AKT3: variants seen among roughly 807,000 people sequenced by gnomAD.
AKT3 encodes the protein RAC-gamma serine/threonine-protein kinase.
In AKT3, 15 loss-of-function variants were observed where a neutral mutation model predicts 65.3. The ratio of observed to expected loss-of-function variants is 0.23; its 90% CI spans 0.15 to 0.35. The LOEUF (loss-of-function observed/expected upper bound fraction) is 0.35. AKT3 is among the 10% of genes least tolerant of loss of function. AKT3 has a pLI of 1.00. For synonymous variants in AKT3, 206 were observed against 183.8 expected, an observed-to-expected ratio of 1.12 and a Z score of -0.98; for missense variants, 243 against 576.5, an observed-to-expected ratio of 0.42 and a Z score of 5.92.
chr1:243,512,447 A>C (rs1670074012), intron 12 of AKT3, 21 bp from the exon 13 acceptor site: 7 of 1,410,294 alleles, frequency 5.0e-6, no homozygotes, highest in Non-Finnish European at 6.9e-6. Context: ...AAAGAAAAAG[A>C]GTTTTATTAA....
chr1:243,839,573 A>C (rs545015161), intron 2 of AKT3, among the ~76,000 whole-genome samples: 2 of 152,320 alleles, frequency 1.3e-5, no homozygotes, highest in South Asian at 2.1e-4. Context: ...AAGTGTAAAA[A>C]ATAGGATATC....
chr1:243,812,290 A>C (rs966960145), intron 2 of AKT3, among the ~76,000 whole-genome samples: 17 of 152,350 alleles, frequency 1.1e-4, no homozygotes, highest in African/African-American at 4.1e-4. Flanking sequence ...AAGGGTTAAT[A>C]TCCAGAATCT....
chr1:243,777,905 T>A (rs1221263046), intron 2 of AKT3, among the ~76,000 whole-genome samples: 2 of 152,182 alleles, frequency 1.3e-5, no homozygotes, highest in African/African-American at 4.8e-5. Context: ...TCTGTCCCTG[T>A]TTTTCCTTTT....
chr1:243,697,840 A>C (rs939250185), intron 2 of AKT3, among the ~76,000 whole-genome samples: 49 of 152,194 alleles, frequency 3.2e-4, no homozygotes, highest in African/African-American at 1.1e-3. Flanking sequence ...TTGAGGTGAT[A>C]ATACTCTACA....
downstream of AKT3, among the ~76,000 whole-genome samples, chr1:243,496,553 G>C (rs532978213): frequency 6.6e-6 from 1 of 152,376 alleles, no homozygotes; most frequent in Non-Finnish European, 1.5e-5. Context: ...CAGCAGGGGG[G>C]GAAGGGGTTG....
intron 2 of AKT3, among the ~76,000 whole-genome samples, chr1:243,806,991 T>C (rs1366938899): frequency 5.9e-5 from 9 of 152,090 alleles, no homozygotes; most frequent in Admixed American, 3.9e-4. Flanking sequence ...ATATCATCAA[T>C]GGAGGTAAAA....
At chr1:243,818,122 T>A (rs1185170697) in intron 2 of AKT3, 1 of 152,200 alleles carries the variant, frequency 6.6e-6, no homozygotes, top group Non-Finnish European at 1.5e-5. Context: ...TTCTAGAAAG[T>A]CAACCCCTGC....
chr1:243,816,904 T>C (rs775199155), intron 2 of AKT3, among the ~76,000 whole-genome samples: 1 of 152,206 alleles, frequency 6.6e-6, no homozygotes, highest in Non-Finnish European at 1.5e-5. Flanking sequence ...TATGAGGAAA[T>C]GGACTCCATT....
At chr1:243,532,720 C>T (rs1671624881) in intron 12 of AKT3, among the ~76,000 whole-genome samples, 1 of 152,198 alleles carries the variant, frequency 6.6e-6, no homozygotes, top group African/African-American at 2.4e-5. Context: ...TTGAGAAGGA[C>T]TGGCATTAAT....
At chr1:243,734,908 C>CT (rs1384026916) in intron 2 of AKT3, 3 of 151,830 alleles carry the variant, frequency 2.0e-5, no homozygotes, top group African/African-American at 7.3e-5. Context: ...TTTTTTTTAC[C>CT]TTTTTTGTTA....
chr1:243,644,283 T>A (rs192929915), intron 5 of AKT3, among the ~76,000 whole-genome samples: 1 of 152,328 alleles, frequency 6.6e-6, no homozygotes, highest in Non-Finnish European at 1.5e-5. Context: ...TGTCCTTATA[T>A]GACATTTGGA....
At chr1:243,790,266 T>G (rs1001265736) in intron 2 of AKT3, among the ~76,000 whole-genome samples, 1 of 152,248 alleles carries the variant, frequency 6.6e-6, no homozygotes, top group Non-Finnish European at 1.5e-5. Context: ...TTGTTTAGTG[T>G]AACCACCTTC....
At chr1:243,804,435 T>C (rs1044832013) in intron 2 of AKT3, among the ~76,000 whole-genome samples, 4 of 152,258 alleles carry the variant, frequency 2.6e-5, no homozygotes, top group African/African-American at 9.6e-5. Flanking sequence ...ACATGATATT[T>C]TGAAGTATAT....
chr1:243,611,420 C>T (rs1346215296), intron 8 of AKT3, among the ~76,000 whole-genome samples: 5 of 152,104 alleles, frequency 3.3e-5, no homozygotes, highest in Non-Finnish European at 7.4e-5. Context: ...TGATGGCTCA[C>T]GTCTGTAATC....
chr1:243,501,106 A>C lies in AKT3; in HGVS notation c.*4143T>G, dbSNP rs183108225. 2 of 231,232 alleles carry C rather than the reference A, an allele frequency of 8.6e-6. No individual in the cohort carries two copies. Among genetic ancestry groups the C allele is most frequent in the African/African-American group, 4.4e-5 (2 of 45,232 alleles). 14.3% of individuals were successfully genotyped at this position (231,232 alleles called of 1,614,324 possible). A position where few individuals can be genotyped will look rare whatever the true frequency, so the allele number is the denominator to read the frequency against. On this transcript the variant is annotated 3_prime_UTR_variant, in exon 14 of 14. Transcript: ENST00000673466. ...ATTTGGCCGTGTGACATACACATACATGCTTGACTCACTCTGGTCCCAAAA... is the reference window on the plus strand; with the variant it reads ...ATTTGGCCGTGTGACATACACATACCTGCTTGACTCACTCTGGTCCCAAAA...
intron 2 of AKT3, among the ~76,000 whole-genome samples, chr1:243,715,096 G>A (rs1163539319): frequency 1.3e-5 from 2 of 151,996 alleles, no homozygotes; most frequent in East Asian, 1.9e-4. Flanking sequence ...AATATTTTAA[G>A]GTATTGTTAG....
intron 5 of AKT3, among the ~76,000 whole-genome samples, chr1:243,638,233 G>A (rs1210154620): frequency 6.6e-6 from 1 of 152,160 alleles, no homozygotes; most frequent in Non-Finnish European, 1.5e-5. Flanking sequence ...TATAAGAAAT[G>A]TCGAGAACCT....
chr1:243,848,885 T>C (rs1695627643), intron 1 of AKT3, among the ~76,000 whole-genome samples: 1 of 152,244 alleles, frequency 6.6e-6, no homozygotes, highest in Admixed American at 6.5e-5. Context: ...ATTGGTGAAA[T>C]GAGTTGGTTT....
At chr1:243,840,651 T>C (rs1695185808) in intron 2 of AKT3, among the ~76,000 whole-genome samples, 1 of 152,112 alleles carries the variant, frequency 6.6e-6, no homozygotes, top group Non-Finnish European at 1.5e-5. Context: ...AAAATAAATG[T>C]TACAGTTGAA....
Sources: gnomAD v4.1 joint callset for allele counts (sites outside exome capture counted in the v4.1 genomes callset) on GRCh38, gnomAD v4.1.1 for gene constraint, MANE v1.5 for transcripts, NCBI Gene and HGNC (gene_info 2026-07-23, HGNC 2026-07-21) for gene names.